Variants in PRAG1 observed in about 807,000 individuals in gnomAD.
The protein encoded by PRAG1 is PEAK1 related, kinase-activating pseudokinase 1.
A neutral mutation model predicts 95.6 loss-of-function variants in PRAG1; 110 were observed. That is an observed-to-expected ratio of 1.15 (90% confidence interval 0.99 to 1.35). PRAG1 has a LOEUF of 1.35. PRAG1 is among the 40% of genes most tolerant of loss of function. PRAG1 has a pLI of 0.00. For synonymous variants in PRAG1, 1,052 were observed against 819.4 expected (o/e 1.28, Z -4.85); for missense variants, 2,554 against 1,864.7 (o/e 1.37, Z -6.81).
chr8:8,341,795 T>C (rs1157498168), intron 3 of PRAG1, among the ~76,000 whole-genome samples: 4 of 152,246 alleles, frequency 2.6e-5, no homozygotes, highest in Non-Finnish European at 5.9e-5. Context: ...TTTTTCTTTC[T>C]TGTCCTGTCC....
chr8:8,355,118 A>AC (rs35420059), intron 3 of PRAG1, among the ~76,000 whole-genome samples: 23,627 of 152,050 alleles, frequency 0.16, 1,966 homozygotes, highest in East Asian at 0.26. Flanking sequence ...ATTTCCACAT[A>AC]CAAAAAAACA....
At chr8:8,363,726 C>T (rs1272498426) in intron 3 of PRAG1, among the ~76,000 whole-genome samples, 4 of 152,204 alleles carry the variant, frequency 2.6e-5, no homozygotes, top group Non-Finnish European at 4.4e-5. Flanking sequence ...AACATATATA[C>T]ATATTTTATG....
At position 8,318,123 on chromosome 8, in the gene PRAG1, G is replaced by T; in HGVS notation, c.*31C>A. ...AGACAGGAAAGGGTTAGGCAGGGAA[G>T]GGGCAGCGACGGTGCAGGCTGGGGC... On this transcript the variant is annotated 3_prime_UTR_variant, in exon 6 of 6. Transcript: ENST00000615670. The surrounding 1 kb of genome is among the most constrained non-coding windows in gnomAD (Gnocchi z 4.2). 3 of 1,577,978 alleles carry T rather than the reference G, an allele frequency of 1.9e-6. No individual in the cohort carries two copies. The highest frequency in any genetic ancestry group is 2.6e-6 in the Non-Finnish European group (3 of 1,161,510).
In PRAG1 at chr8:8,377,710, G is replaced by A. The variant is rs371685160; in HGVS notation, c.699C>T (p.Pro233=). 1.2e-6 allele frequency: 2 copies of A among 1,613,866 alleles called. No individual in the cohort carries two copies. The highest frequency in any genetic ancestry group is 2.7e-5 in the African/African-American group (2 of 74,944). ...QGPGPLRESL[P]SEDDSDQRCS... ...ACCTTTGATCACTGTCATCCTCCGAGGGCAGGGATTCCCGCAGGGGCCCAG... is the reference window on the plus strand; with the variant it reads ...ACCTTTGATCACTGTCATCCTCCGAAGGCAGGGATTCCCGCAGGGGCCCAG... Residue 233 remains proline, a synonymous_variant, in exon 3 of 6, where the codon CCC becomes CCT. Coordinates refer to ENST00000615670, the MANE Select transcript of PRAG1 (RefSeq NM_001080826.3).
At chr8:8,339,847 G>T (rs1016630706) in intron 3 of PRAG1, among the ~76,000 whole-genome samples, 1 of 152,158 alleles carries the variant, frequency 6.6e-6, no homozygotes, top group African/African-American at 2.4e-5. Context: ...GTGTGGTTAG[G>T]AGAAGCGAGT....
In PRAG1 at chr8:8,339,723, T is replaced by C. The variant is rs1182823822; in HGVS notation, c.2163-88A>G. ...GATGGATCATGAACTTACCATGCTC[T>C]TGAAACCTGGCCAATGTCAGCAAGT... On this transcript the variant is annotated intron_variant, in intron 3 of 5. Transcript: ENST00000615670. The C allele has an allele frequency of 2.2e-6, 3 of 1,343,366 alleles. No individual in the cohort carries two copies. In the African/African-American group the frequency reaches 4.4e-5, roughly 20 times the overall value. The allele number at this position is 1,343,366 out of a possible 1,614,324, so 83.2% of individuals were successfully genotyped here. A position where few individuals can be genotyped will look rare whatever the true frequency, so the allele number is the denominator to read the frequency against.
In PRAG1 at chr8:8,332,181, G is replaced by A. The variant is rs2945906; in HGVS notation, c.2321-3720C>T. ...TATTACGATTTTTTTTTTTTTTTTT[G>A]ATGAAGTTTTGCTCTTGTTGCCCAG... On this transcript the variant is annotated intron_variant, in intron 4 of 5. Coordinates refer to ENST00000615670, the MANE Select transcript of PRAG1 (RefSeq NM_001080826.3). Among the ~76,000 whole-genome samples, 31 of 83,890 alleles carry A rather than the reference G, an allele frequency of 3.7e-4. No homozygotes were observed. In the East Asian group the frequency reaches 9.8e-3, roughly 27 times the overall value. 55.0% of individuals were successfully genotyped at this position (83,890 alleles called of 152,430 possible).
At chr8:8,326,648 C>G (rs572587893) in intron 5 of PRAG1, among the ~76,000 whole-genome samples, 6 of 152,320 alleles carry the variant, frequency 3.9e-5, no homozygotes, top group African/African-American at 1.4e-4. Flanking sequence ...GTGTGGGTAG[C>G]AAGAGGCCTG....
chr8:8,329,905 G>A (rs888331967), intron 4 of PRAG1, among the ~76,000 whole-genome samples: 40 of 152,210 alleles, frequency 2.6e-4, no homozygotes, highest in African/African-American at 9.2e-4. Context: ...CGACAGCAGG[G>A]CACAACCTTG....
intron 3 of PRAG1, among the ~76,000 whole-genome samples, chr8:8,354,494 C>T (rs1799626045): frequency 6.6e-6 from 1 of 151,984 alleles, no homozygotes; most frequent in African/African-American, 2.4e-5. Context: ...AGAAAAAGTA[C>T]AGGCCAATAT....
chr8:8,358,750 T>C (rs761187747), intron 3 of PRAG1, among the ~76,000 whole-genome samples: 1 of 152,230 alleles, frequency 6.6e-6, no homozygotes, highest in Non-Finnish European at 1.5e-5. Flanking sequence ...GGAATATTTA[T>C]CCCTTATGGG....
At chr8:8,359,141 A>G (rs1799771174) in intron 3 of PRAG1, among the ~76,000 whole-genome samples, 1 of 152,216 alleles carries the variant, frequency 6.6e-6, no homozygotes, top group South Asian at 2.1e-4. Flanking sequence ...TAAAAAAGGT[A>G]AGCTTGAAGA....
Position 8,376,802 on chromosome 8 carries a change from C to T in PRAG1, c.1607G>A (p.Ser536Asn). The T allele has an allele frequency of 6.2e-7, 1 of 1,611,550 alleles. No homozygotes were observed. The highest frequency in any genetic ancestry group is 8.5e-7 in the Non-Finnish European group (1 of 1,179,800). Residue 536 changes from serine (S) to asparagine (N), a missense_variant, in exon 3 of 6, where the codon AGC becomes AAC. Physicochemically the swap from Ser to Asn is conservative, Grantham distance 46. Coordinates refer to ENST00000615670, the MANE Select transcript of PRAG1 (RefSeq NM_001080826.3). ...RESHAHSASE[S>N]KPKERPAIPP... ...AATGGCGGGCCTCTCCTTGGGCTTG[C>T]TCTCGCTGGCACTGTGAGCATGGCT...
Position 8,328,218 on chromosome 8 carries a change from T to A in PRAG1, c.2564A>T (p.Asn855Ile). The A allele has an allele frequency of 1.2e-6, 2 of 1,614,170 alleles. No individual in the cohort carries two copies. The highest frequency in any genetic ancestry group is 1.7e-6 in the Non-Finnish European group (2 of 1,180,024). ...GCTAAAGTGAGATTCGTCGTGGACG[T>A]TGGTTTCCGAGTGGCTTAGGTTCAG... ...PKLNLSHSETNVHDESHFSYS... is the reference protein window; with the variant it reads ...PKLNLSHSETIVHDESHFSYS... Residue 855 changes from asparagine (N) to isoleucine (I), a missense_variant, in exon 5 of 6, where the codon AAC (asparagine) becomes ATC (isoleucine). By Grantham distance (149) the Asn-to-Ile change is moderately radical. Transcript: ENST00000615670.
Position 8,372,562 on chromosome 8 carries a change from G to A in PRAG1, c.2162+3685C>T, listed in dbSNP as rs746496483. ...GAAGTATCCAGGCCTTGCCGTACCCGCCTGGGTTGGAGGGTTGGGCAGGCA... is the reference window on the plus strand; with the variant it reads ...GAAGTATCCAGGCCTTGCCGTACCCACCTGGGTTGGAGGGTTGGGCAGGCA... On this transcript the variant is annotated intron_variant, in intron 3 of 5. Coordinates refer to ENST00000615670, the MANE Select transcript of PRAG1 (RefSeq NM_001080826.3). 4.6e-5 allele frequency among the ~76,000 whole-genome samples: 7 copies of A among 152,168 alleles called. No individual in the cohort carries two copies. In the South Asian group the frequency reaches 8.3e-4, roughly 18 times the overall value.
chr8:8,379,437 G>C (rs1465358173), intron 2 of PRAG1, among the ~76,000 whole-genome samples: 1 of 152,202 alleles, frequency 6.6e-6, no homozygotes, highest in Non-Finnish European at 1.5e-5. Context: ...TGAGCTTAAA[G>C]AGTCCCTGGC....
chr8:8,320,282 C>T (rs1334381618), intron 5 of PRAG1, among the ~76,000 whole-genome samples: 1 of 152,114 alleles, frequency 6.6e-6, no homozygotes, highest in Non-Finnish European at 1.5e-5. Flanking sequence ...CAGAAGGAAC[C>T]CTCAGAGGAA....
At chr8:8,374,870 C>A (rs1800327179) in intron 3 of PRAG1, 1 of 171,582 alleles carries the variant, frequency 5.8e-6, no homozygotes, top group Non-Finnish European at 1.2e-5. Context: ...TCTCTGTGGT[C>A]AATTTCCTTG....
intron 1 of PRAG1, among the ~76,000 whole-genome samples, chr8:8,385,750 T>A (rs929848167): frequency 6.6e-6 from 1 of 152,100 alleles, no homozygotes; most frequent in African/African-American, 2.4e-5. Flanking sequence ...TAAGTGTGTG[T>A]GTCCCCGGAT....
Sources: allele counts gnomAD v4.1 joint callset (sites outside exome capture counted in the v4.1 genomes callset), GRCh38; gene constraint gnomAD v4.1.1; non-coding constraint Gnocchi (gnomAD v3.1); transcripts MANE v1.5; gene names NCBI Gene and HGNC (gene_info 2026-07-23, HGNC 2026-07-21).